Variants in NR4A1 observed in about 807,000 individuals in gnomAD.
The protein encoded by NR4A1 is nuclear receptor subfamily 4 group A member 1.
Under a neutral mutation model 47.5 loss-of-function variants are expected in NR4A1, and 24 were observed. The ratio of observed to expected loss-of-function variants is 0.50; its 90% CI spans 0.37 to 0.71. The LOEUF is 0.71. Among genes scored for constraint, NR4A1 ranks in the 30% least tolerant of loss-of-function variants. NR4A1 has a pLI of 0.00. For synonymous variants in NR4A1, 353 were observed against 345.7 expected, an observed-to-expected ratio of 1.02 and a Z score of -0.24; for missense variants, 669 against 788.6, an observed-to-expected ratio of 0.85 and a Z score of 1.82.
intron 1 of NR4A1, among the ~76,000 whole-genome samples, chr12:52,052,996 A>G (rs940671480): frequency 6.6e-6 from 1 of 152,162 alleles, no homozygotes; most frequent in Non-Finnish European, 1.5e-5. Context: ...AAGGAAGGCT[A>G]GGACCAGAGA....
intron 2 of NR4A1, 172 bp from the exon 3 acceptor site, chr12:52,055,858 C>A: frequency 2.1e-6 from 1 of 465,530 alleles, no homozygotes; most frequent in Non-Finnish European, 3.8e-6. Flanking sequence ...TTTCTCTCCC[C>A]CCGCCCAACC....
At chr12:52,034,556 T>C (rs887011167) in intron 1 of NR4A1, among the ~76,000 whole-genome samples, 8 of 152,198 alleles carry the variant, frequency 5.3e-5, no homozygotes, top group South Asian at 2.1e-4. Context: ...AGGAATTAGA[T>C]ATGAAGGAAC....
chr12:52,034,823 T>C (rs1013475593), intron 1 of NR4A1, among the ~76,000 whole-genome samples: 1 of 152,198 alleles, frequency 6.6e-6, no homozygotes, highest in Non-Finnish European at 1.5e-5. Context: ...GCACCTTGGA[T>C]GTACAGCTTC....
intron 6 of NR4A1, 85 bp downstream of exon 6, chr12:52,057,615 T>A: frequency 6.6e-7 from 1 of 1,515,896 alleles, no homozygotes; most frequent in Admixed American, 1.8e-5. Context: ...CCCAGGGAGT[T>A]TGGTGGGCCG....
At chr12:52,047,858 GAGCT>G (rs1938716937), upstream of NR4A1, among the ~76,000 whole-genome samples, 1 of 152,256 alleles carries the variant, frequency 6.6e-6, no homozygotes, top group Non-Finnish European at 1.5e-5. Context: ...AACTCTCAAA[GAGCT>G]AGCAAGGCTG....
In NR4A1 at chr12:52,042,918, A is replaced by G. The variant is rs533110891; in HGVS notation, c.37+989A>G. 2.6e-5 allele frequency among the ~76,000 whole-genome samples: 4 copies of G among 152,334 alleles called. No individual in the cohort carries two copies. The East Asian group carries it at 7.7e-4, about 29-fold the overall frequency. ...TGGGCAGCAGCCCTCCCAGGCCTTG[A>G]GAAATCCCGGATGAAGCACGCACTG... is the stretch of plus-strand genomic sequence containing the variant. On this transcript the variant is annotated intron_variant, in intron 2 of 7. Transcript: ENST00000360284.
intron 2 of NR4A1, chr12:52,045,349 CG>C (rs1938591969): frequency 3.3e-6 from 1 of 298,582 alleles, no homozygotes. Flanking sequence ...TCCACAGGGC[CG>C]AGTGTGGGAC....
At position 52,054,689 on chromosome 12, in the gene NR4A1, G is replaced by C. The variant is rs745641040; in HGVS notation, c.361G>C (p.Asp121His). The C allele has an allele frequency of 6.2e-7, 1 of 1,613,984 alleles. No individual in the cohort carries two copies. Among genetic ancestry groups the C allele is most frequent in the Non-Finnish European group, 8.5e-7 (1 of 1,180,024 alleles). The change falls in exon 2 of 7, where the codon GAT becomes CAT. Residue 121 changes from aspartate (D) to histidine (H), a missense_variant. Transcript: ENST00000394825. ...CCCCGGCCCCCTGAGCGGCCCAGTG[G>C]ATGAGGCCCTGTCCTCCAGTGGCTC... ...CYPGPLSGPV[D>H]EALSSSGSDY...
Position 52,055,045 on chromosome 12 carries a change from C to T in NR4A1, c.717C>T (p.His239=), listed in dbSNP as rs1418332337. 1.9e-6 allele frequency: 3 copies of T among 1,614,262 alleles called. No homozygotes were observed. Among genetic ancestry groups the T allele is most frequent in the Non-Finnish European group, 2.5e-6 (3 of 1,180,042 alleles). ...CAGGTTTGGCACCCACTTCTCCACA[C>T]CTTGAGGGCTCGGGGATACTGGATA... ...AFPGLAPTSP[H]LEGSGILDTP... The change falls in exon 2 of 7, where the codon CAC becomes CAT. Residue 239 remains histidine, a synonymous_variant. Transcript: ENST00000394825.
Position 52,041,862 on chromosome 12 carries a change from C to T in NR4A1, c.-31C>T, listed in dbSNP as rs1332702935. ...CTGCCCCTCCCAGGCAGCCTGGCTC[C>T]TTCTGCTGGGCCCTGAAGGCAGACG... On this transcript the variant is annotated 5_prime_UTR_variant, in exon 2 of 8. Coordinates refer to the NR4A1 transcript ENST00000360284. 2.0e-6 allele frequency: 3 copies of T among 1,526,984 alleles called. No homozygotes were observed. The African/African-American group carries it at 4.1e-5, about 21-fold the overall frequency. 94.6% of individuals were successfully genotyped at this position (1,526,984 alleles called of 1,614,324 possible). A position where few individuals can be genotyped will look rare whatever the true frequency, so the allele number is the denominator to read the frequency against.
chr12:52,054,966 A>G lies in NR4A1; in HGVS notation c.638A>G (p.Gln213Arg). The G allele has an allele frequency of 6.2e-7, 1 of 1,614,086 alleles. No homozygotes were observed. Among genetic ancestry groups the G allele is most frequent in the Non-Finnish European group, 8.5e-7 (1 of 1,179,998 alleles). Residue 213 changes from glutamine (Q) to arginine (R), a missense_variant, in exon 2 of 7, where the codon CAG (glutamine) becomes CGG (arginine). Physicochemically the swap from Gln to Arg is conservative, Grantham distance 43. Coordinates refer to ENST00000394825, the MANE Select transcript of NR4A1 (RefSeq NM_173157.3). ...AQSPLKLFPS[Q>R]ATHQLGEGES... ...AGCCCCCTGAAGTTGTTCCCCTCACAGGCCACCCACCAGCTGGGGGAGGGA... is the reference window on the plus strand; with the variant it reads ...AGCCCCCTGAAGTTGTTCCCCTCACGGGCCACCCACCAGCTGGGGGAGGGA...
At chr12:52,049,772 A>G (rs926216563), upstream of NR4A1, among the ~76,000 whole-genome samples, 1 of 152,218 alleles carries the variant, frequency 6.6e-6, no homozygotes, top group Admixed American at 6.5e-5. Flanking sequence ...AGGAGCAGAG[A>G]TTAGGTGGCA....
intron 1 of NR4A1, among the ~76,000 whole-genome samples, chr12:52,034,330 C>T (rs1938193015): frequency 6.6e-6 from 1 of 152,240 alleles, no homozygotes; most frequent in Admixed American, 6.5e-5. Context: ...TGTTTCCATA[C>T]CTATTCTTGT....
At position 52,057,393 on chromosome 12, in the gene NR4A1, T is replaced by C; in HGVS notation, c.1403T>C (p.Leu468Pro). ...GGCAAGCTCATCTTCTGCTCAGGCC[T>C]GGTGCTACACCGGCTGCAGTGTGCC... The part of the protein sequence containing the change: ...GEGKLIFCSG[L>P]VLHRLQCARG... The change falls in exon 6 of 7, where the codon CTG (leucine) becomes CCG (proline). Residue 468 changes from leucine (L) to proline (P), a missense_variant. Coordinates refer to ENST00000394825, the MANE Select transcript of NR4A1 (RefSeq NM_173157.3). 1 of 1,614,212 alleles carries C rather than the reference T, an allele frequency of 6.2e-7. No homozygotes were observed. The highest frequency in any genetic ancestry group is 1.1e-5 in the South Asian group (1 of 91,090).
At chr12:52,046,798 AC>A (rs374770454), upstream of NR4A1, among the ~76,000 whole-genome samples, 17 of 152,288 alleles carry the variant, frequency 1.1e-4, no homozygotes, top group African/African-American at 3.9e-4. Flanking sequence ...CCTGGCTAAC[AC>A]AGTGAAACCC....
At chr12:52,047,882 C>T (rs544220617), upstream of NR4A1, among the ~76,000 whole-genome samples, 4 of 152,200 alleles carry the variant, frequency 2.6e-5, no homozygotes, top group East Asian at 1.9e-4. Flanking sequence ...GGGCCGAGGG[C>T]GGTGGCTCAC....
chr12:52,032,047 C>T (rs187962497), intron 1 of NR4A1, among the ~76,000 whole-genome samples: 1 of 152,216 alleles, frequency 6.6e-6, no homozygotes, highest in African/African-American at 2.4e-5. Flanking sequence ...CCGCCCGCCT[C>T]GGCCTCCCAA....
chr12:52,055,447 G>A lies in NR4A1; in HGVS notation c.876+243G>A, dbSNP rs958089805. ...CAGAGCTGGAGGGAGGGGTGAGATA[G>A]GGGCAGATAGGAGCTGCAGGGGTGC... On this transcript the variant is annotated intron_variant, in intron 2 of 6. Coordinates refer to ENST00000394825, the MANE Select transcript of NR4A1 (RefSeq NM_173157.3). The A allele has an allele frequency of 8.3e-6, 5 of 603,880 alleles. No individual in the cohort carries two copies. In the African/African-American group the frequency reaches 9.3e-5, roughly 11 times the overall value. 37.4% of individuals were successfully genotyped at this position (603,880 alleles called of 1,614,324 possible).
intron 1 of NR4A1, chr12:52,038,679 G>A: frequency 1.3e-6 from 1 of 762,366 alleles, no homozygotes; most frequent in Admixed American, 1.7e-5. Flanking sequence ...GAAGTCAGCT[G>A]ACTCCGTGTA....
Sources: allele counts gnomAD v4.1 joint callset (sites outside exome capture counted in the v4.1 genomes callset), GRCh38; gene constraint gnomAD v4.1.1; transcripts MANE v1.5; gene names NCBI Gene and HGNC (gene_info 2026-07-23, HGNC 2026-07-21).